ANKRD30A: variants seen among roughly 807,000 people sequenced by gnomAD.
The protein encoded by ANKRD30A is ankyrin repeat domain-containing protein 30A.
Under a neutral mutation model 166.3 loss-of-function variants are expected in ANKRD30A, and 170 were observed. The ratio of observed to expected loss-of-function variants is 1.02; its 90% CI spans 0.90 to 1.16. The LOEUF is 1.16. ANKRD30A is among the 50% of genes most tolerant of loss of function. The pLI, the probability that ANKRD30A is intolerant of heterozygous loss-of-function variation, is 0.00. For missense variants in ANKRD30A, 1,630 were observed against 1,518.0 expected, an observed-to-expected ratio of 1.07 and a Z score of -1.23; for synonymous variants, 564 against 508.9, an observed-to-expected ratio of 1.11 and a Z score of -1.46.
rs1346891015 is a variant in ANKRD30A at position 37,196,100 on chromosome 10, T to A, written c.2615-1181T>A. On this transcript the variant is annotated intron_variant, in intron 27 of 35. Transcript: ENST00000361713. ...GGTTTTTTTATATTTTCTATTTTTTTTTTTTTTTTTTTGTAGTAGAAGCAT... is the reference window on the plus strand; with the variant it reads ...GGTTTTTTTATATTTTCTATTTTTTATTTTTTTTTTTTGTAGTAGAAGCAT... Among the ~76,000 whole-genome samples the A allele has an allele frequency of 5.4e-5, 8 of 148,572 alleles. No homozygotes were observed. In the South Asian group the frequency reaches 6.3e-4, roughly 12 times the overall value.
chr10:37,201,253 T>A lies in ANKRD30A; in HGVS notation c.2797T>A (p.Ser933Thr), dbSNP rs748059875. The change falls in exon 31 of 36, where the codon TCA (serine) becomes ACA (threonine). Residue 933 changes from serine to threonine, a missense_variant. Transcript: ENST00000361713. Reference protein sequence around the residue: ...WDSESLRETVSQKDVCVPKAT... With the variant: ...WDSESLRETVTQKDVCVPKAT... ...TTAACAGAGTCTCCGTGAGACTGTT[T>A]CACAGAAGGATGTGTGTGTACCCAA... 6.3e-7 allele frequency: 1 copy of A among 1,586,660 alleles called. No individual in the cohort carries two copies. Among genetic ancestry groups the A allele is most frequent in the Non-Finnish European group, 8.6e-7 (1 of 1,169,404 alleles).
At chr10:37,250,934 C>A in the ANKRD30A span, among the ~76,000 whole-genome samples, 1 of 152,188 alleles carries the variant, frequency 6.6e-6, no homozygotes, top group Non-Finnish European at 1.5e-5. Context: ...CAAAACACAC[C>A]TCTACACATT....
chr10:37,152,252 T>G, intron 12 of ANKRD30A, 131 bp downstream of exon 12: 1 of 744,916 alleles, frequency 1.3e-6, no homozygotes, highest in Non-Finnish European at 2.2e-6. Flanking sequence ...TTTTTCAGAA[T>G]ATGCTTAATG....
intron 1 of ANKRD30A, among the ~76,000 whole-genome samples, chr10:37,127,482 T>C (rs1836121870): frequency 6.6e-6 from 1 of 152,154 alleles, no homozygotes; most frequent in South Asian, 2.1e-4. Context: ...AAGGGCAGCA[T>C]ACTTGTAAAA....
chr10:37,199,450 G>A (rs2132686928), intron 29 of ANKRD30A, among the ~76,000 whole-genome samples: 1 of 152,150 alleles, frequency 6.6e-6, no homozygotes, highest in African/African-American at 2.4e-5. Context: ...TTTCAGAGTA[G>A]AAGAGTATGT....
At chr10:37,137,377 G>T (rs190076842) in intron 6 of ANKRD30A, among the ~76,000 whole-genome samples, 1 of 152,144 alleles carries the variant, frequency 6.6e-6, no homozygotes, top group African/African-American at 2.4e-5. Flanking sequence ...GAAAGTGGGC[G>T]CAGGACAGTG....
At chr10:37,204,759 A>G (rs909201589) in intron 31 of ANKRD30A, among the ~76,000 whole-genome samples, 5 of 152,152 alleles carry the variant, frequency 3.3e-5, no homozygotes, top group African/African-American at 9.7e-5. Flanking sequence ...ACAAGAAAAA[A>G]TCAAACACCC....
Position 37,162,685 on chromosome 10 carries a change from G to C in ANKRD30A, c.1929+8G>C. 6.2e-7 allele frequency: 1 copy of C among 1,612,650 alleles called. No homozygotes were observed. Among genetic ancestry groups the C allele is most frequent in the Non-Finnish European group, 8.5e-7 (1 of 1,179,756 alleles). ...AAGCCATCTGCCTTCGAGGTATTTA[G>C]TTTTATGATTTCATTTTGAATGACT... On this transcript the variant is annotated splice_region_variant and intron_variant, in intron 16 of 35. Transcript: ENST00000361713.
intron 25 of ANKRD30A, 110 bp from the exon 26 acceptor site, chr10:37,192,954 C>G (rs776328802): frequency 4.1e-5 from 60 of 1,479,378 alleles, no homozygotes; most frequent in South Asian, 2.7e-4. Context: ...AGTGTAATCC[C>G]TTTTGCAATC....
chr10:37,212,817 A>C (rs533546250), intron 31 of ANKRD30A, among the ~76,000 whole-genome samples: 2 of 152,076 alleles, frequency 1.3e-5, no homozygotes, highest in East Asian at 3.9e-4. Context: ...TTTATTAAAT[A>C]GGGAATTATT....
At chr10:37,198,113 T>G (rs561173357) in intron 29 of ANKRD30A, among the ~76,000 whole-genome samples, 1 of 152,242 alleles carries the variant, frequency 6.6e-6, no homozygotes, top group Admixed American at 6.5e-5. Context: ...GGCTTTAGAG[T>G]CTTTTTACAC....
intron 13 of ANKRD30A, among the ~76,000 whole-genome samples, chr10:37,157,127 CT>C (rs1838444762): frequency 6.6e-6 from 1 of 152,136 alleles, no homozygotes; most frequent in Non-Finnish European, 1.5e-5. Context: ...GACATGAGAT[CT>C]ATTTCTATCT....
intron 18 of ANKRD30A, among the ~76,000 whole-genome samples, chr10:37,166,398 G>A (rs1839347412): frequency 6.6e-6 from 1 of 152,084 alleles, no homozygotes; most frequent in African/African-American, 2.4e-5. Flanking sequence ...ATGGCCACGT[G>A]AACGTAAAGA....
chr10:37,166,247 ATTTT>A (rs1325839862), intron 18 of ANKRD30A, among the ~76,000 whole-genome samples: 2 of 152,146 alleles, frequency 1.3e-5, no homozygotes, highest in Non-Finnish European at 2.9e-5. Flanking sequence ...AATGCGTTGT[ATTTT>A]GTTTGAAATG....
Position 37,190,512 on chromosome 10 carries a change from T to G in ANKRD30A, c.2512+955T>G, listed in dbSNP as rs71489117. ...ACTCCTCAAAGTAAAAGGAAAGAGT[T>G]GGAAAAAATAATGTTAACAGGTGTC... is the stretch of plus-strand genomic sequence containing the variant. On this transcript the variant is annotated intron_variant, in intron 25 of 35. Coordinates refer to ENST00000361713, the MANE Select transcript of ANKRD30A (RefSeq NM_052997.3). Among the ~76,000 whole-genome samples the G allele has an allele frequency of 9.8e-3, 1,493 of 151,762 alleles. 42 individuals are homozygous for G. Among genetic ancestry groups the G allele is most frequent in the African/African-American group, 0.034 (1,382 of 41,226 alleles).
At chr10:37,191,810 A>G (rs1467186737) in intron 25 of ANKRD30A, among the ~76,000 whole-genome samples, 1 of 151,898 alleles carries the variant, frequency 6.6e-6, no homozygotes, top group Non-Finnish European at 1.5e-5. Context: ...CCTGGCTAAC[A>G]TGGTGAAACC....
the ANKRD30A span, among the ~76,000 whole-genome samples, chr10:37,264,814 T>C: frequency 6.6e-6 from 1 of 152,226 alleles, no homozygotes; most frequent in African/African-American, 2.4e-5. Flanking sequence ...ACCTGGAAGA[T>C]GTCATCCAAT....
intron 11 of ANKRD30A, 70 bp downstream of exon 11, chr10:37,149,919 C>A: frequency 1.9e-6 from 3 of 1,579,782 alleles, no homozygotes; most frequent in South Asian, 2.3e-5. Flanking sequence ...TCTTTCTATC[C>A]CCAATGCTTT....
chr10:37,223,551 G>A (rs1842990385), intron 34 of ANKRD30A, among the ~76,000 whole-genome samples: 1 of 151,272 alleles, frequency 6.6e-6, no homozygotes, highest in African/African-American at 2.4e-5. Context: ...TTCACTTATT[G>A]TTAGCATTTA....
Sources: gnomAD v4.1 joint callset for allele counts (sites outside exome capture counted in the v4.1 genomes callset) on GRCh38, gnomAD v4.1.1 for gene constraint, MANE v1.5 for transcripts, NCBI Gene and HGNC (gene_info 2026-07-23, HGNC 2026-07-21) for gene names.